MYL9: variants seen among roughly 807,000 people sequenced by gnomAD.
The protein encoded by MYL9 is myosin light chain 9.
Under a neutral mutation model 12.8 loss-of-function variants are expected in MYL9, and 7 were observed. That is an observed-to-expected ratio of 0.55 (90% confidence interval 0.31 to 1.03). MYL9 has a LOEUF of 1.03. MYL9 is among the 50% of genes least tolerant of loss of function. The pLI is 0.05. For synonymous variants in MYL9, 81 were observed against 87.8 expected (o/e 0.92, Z 0.43); for missense variants, 190 against 242.7 (o/e 0.78, Z 1.44).
Position 36,549,316 on chromosome 20 carries a change from C to A in MYL9, c.*67C>A, listed in dbSNP as rs1446495235. On this transcript the variant is annotated 3_prime_UTR_variant, in exon 4 of 4. Coordinates refer to ENST00000279022, the MANE Select transcript of MYL9 (RefSeq NM_006097.5). Reference sequence around the variant, plus strand: ...CCTCCCCGCACACACCCGTCCATACCAGCTCCCTGCCCATGACCCTCGCTC... The same window carrying A: ...CCTCCCCGCACACACCCGTCCATACAAGCTCCCTGCCCATGACCCTCGCTC... The A allele has an allele frequency of 1.5e-6, 2 of 1,346,180 alleles. No individual in the cohort carries two copies. Among genetic ancestry groups the A allele is most frequent in the Non-Finnish European group, 2.0e-6 (2 of 980,030 alleles). 83.4% of individuals were successfully genotyped at this position (1,346,180 alleles called of 1,614,324 possible). A position where few individuals can be genotyped will look rare whatever the true frequency, so the allele number is the denominator to read the frequency against.
rs1180332017 is a variant in MYL9, at chr20:36,551,393, T to C, written c.*2144T>C. 6.6e-6 allele frequency: 1 copy of C among 152,210 alleles called. No individual in the cohort carries two copies. The highest frequency in any genetic ancestry group is 1.9e-4 in the East Asian group (1 of 5,198). 9.4% of individuals were successfully genotyped at this position (152,210 alleles called of 1,614,324 possible). A position where few individuals can be genotyped will look rare whatever the true frequency, so the allele number is the denominator to read the frequency against. On this transcript the variant is annotated 3_prime_UTR_variant, in exon 4 of 4. Transcript: ENST00000279022. ...ATGCATGAAGTCAACATTCTTTTTG[T>C]AGAGCTAAAGAAACCATAAGCAAAA...
intron 2 of MYL9, among the ~76,000 whole-genome samples, chr20:36,546,604 A>G (rs1253952420): frequency 2.0e-5 from 3 of 151,826 alleles, no homozygotes; most frequent in African/African-American, 7.3e-5. Flanking sequence ...GGCAGGAAGT[A>G]AACTCCAGGG....
At chr20:36,542,962 G>C (rs1023445393) in intron 1 of MYL9, among the ~76,000 whole-genome samples, 12 of 152,234 alleles carry the variant, frequency 7.9e-5, no homozygotes, top group African/African-American at 2.9e-4. Flanking sequence ...GAGCTTCATA[G>C]AGTGTGGTGG....
At chr20:36,547,545 C>A (rs2147898123) in intron 2 of MYL9, among the ~76,000 whole-genome samples, 1 of 152,330 alleles carries the variant, frequency 6.6e-6, no homozygotes, top group East Asian at 1.9e-4. Flanking sequence ...GCCTGTCTGA[C>A]AGCAAAGCAC....
chr20:36,547,326 C>T (rs1382297239), intron 2 of MYL9, among the ~76,000 whole-genome samples: 1 of 152,212 alleles, frequency 6.6e-6, no homozygotes, highest in African/African-American at 2.4e-5. Context: ...TCCCACTTTA[C>T]AAACAAGGAA....
chr20:36,544,801 C>A, intron 1 of MYL9, 58 bp from the exon 2 acceptor site: 1 of 1,447,068 alleles, frequency 6.9e-7, no homozygotes, highest in Non-Finnish European at 9.4e-7. Flanking sequence ...CTGGGGGAGG[C>A]AGGAAGATTC....
chr20:36,547,944 G>A (rs6100404), intron 2 of MYL9, 88 bp from the exon 3 acceptor site: 7 of 1,432,602 alleles, frequency 4.9e-6, no homozygotes, highest in Non-Finnish European at 6.5e-6. Context: ...GAGCGGTGAA[G>A]GGCAGGGGTG....
chr20:36,546,993 G>A (rs544183208), intron 2 of MYL9, among the ~76,000 whole-genome samples: 15 of 152,300 alleles, frequency 9.8e-5, no homozygotes, highest in African/African-American at 3.1e-4. Context: ...GTGTCCTGGC[G>A]TCACAGCTCC....
At position 36,549,628 on chromosome 20, in the gene MYL9, C is replaced by A. The variant is rs1422228730; in HGVS notation, c.*379C>A. The A allele has an allele frequency of 5.0e-6, 1 of 201,248 alleles. No individual in the cohort carries two copies. Among genetic ancestry groups the A allele is most frequent in the Non-Finnish European group, 1.0e-5 (1 of 97,352 alleles). 12.5% of individuals were successfully genotyped at this position (201,248 alleles called of 1,614,324 possible). A position where few individuals can be genotyped will look rare whatever the true frequency, so the allele number is the denominator to read the frequency against. ...GCCCTGAGTCCTGGGATCAGACACC[C>A]CTTCACGTGTATCCCCACACAAATG... On this transcript the variant is annotated 3_prime_UTR_variant, in exon 4 of 4. Transcript: ENST00000279022.
At position 36,549,607 on chromosome 20, in the gene MYL9, T is replaced by A. The variant is rs550456698; in HGVS notation, c.*358T>A. 236 of 207,866 alleles carry A rather than the reference T, an allele frequency of 1.1e-3. 1 individual carries two copies. The highest frequency in any genetic ancestry group is 5.2e-3 in the African/African-American group (226 of 43,666). 12.9% of individuals were successfully genotyped at this position (207,866 alleles called of 1,614,324 possible). A position where few individuals can be genotyped will look rare whatever the true frequency, so the allele number is the denominator to read the frequency against. ...TGTGCCCCCCAGGAGGAAGAGGCCC[T>A]GAGTCCTGGGATCAGACACCCCTTC... On this transcript the variant is annotated 3_prime_UTR_variant, in exon 4 of 4. Transcript: ENST00000279022.
At chr20:36,545,308 T>G (rs373633277) in intron 2 of MYL9, among the ~76,000 whole-genome samples, 9 of 151,630 alleles carry the variant, frequency 5.9e-5, no homozygotes, top group Admixed American at 5.9e-4. Context: ...CCATCCTGGC[T>G]AACACGGTGA....
At chr20:36,548,762 G>A (rs1167996393) in intron 3 of MYL9, among the ~76,000 whole-genome samples, 1 of 152,172 alleles carries the variant, frequency 6.6e-6, no homozygotes, top group African/African-American at 2.4e-5. Context: ...CAGAGCTCAC[G>A]CTTAAAACAG....
Position 36,547,745 on chromosome 20 carries a change from G to A in MYL9, c.185-287G>A, listed in dbSNP as rs374124466. 3.3e-5 allele frequency among the ~76,000 whole-genome samples: 5 copies of A among 152,280 alleles called. No individual in the cohort carries two copies. The East Asian group carries it at 5.8e-4, about 18-fold the overall frequency. On this transcript the variant is annotated intron_variant, in intron 2 of 3. Coordinates refer to ENST00000279022, the MANE Select transcript of MYL9 (RefSeq NM_006097.5). ...GTTAAATGCAATAAGGCACGTGGTCGACCAGCCACAGCGAGCAGTCTGCAG... is the reference window on the plus strand; with the variant it reads ...GTTAAATGCAATAAGGCACGTGGTCAACCAGCCACAGCGAGCAGTCTGCAG...
At chr20:36,544,534 CA>C (rs1394545304) in intron 1 of MYL9, among the ~76,000 whole-genome samples, 1 of 152,152 alleles carries the variant, frequency 6.6e-6, no homozygotes, top group African/African-American at 2.4e-5. Context: ...GTGTTTTACC[CA>C]AACAGTCACA....
chr20:36,545,798 G>A (rs944876678), intron 2 of MYL9, among the ~76,000 whole-genome samples: 10 of 151,514 alleles, frequency 6.6e-5, no homozygotes, highest in Non-Finnish European at 8.8e-5. Flanking sequence ...GCGTGGTGGC[G>A]GGCGCCAGCT....
At position 36,549,559 on chromosome 20, in the gene MYL9, G is replaced by C; in HGVS notation, c.*310G>C. 3.7e-6 allele frequency: 1 copy of C among 273,898 alleles called. No homozygotes were observed. Among genetic ancestry groups the C allele is most frequent in the Non-Finnish European group, 7.0e-6 (1 of 142,668 alleles). The allele number at this position is 273,898 out of a possible 1,614,324, so 17.0% of individuals were successfully genotyped here. On this transcript the variant is annotated 3_prime_UTR_variant, in exon 4 of 4. Transcript: ENST00000279022. ...AGGCCCCATTCCGGGGCTGTTCCCC[G>C]AGGAGGAAGGGAAGGGGCTCTGTGT...
chr20:36,546,888 C>T (rs1216657842), intron 2 of MYL9, among the ~76,000 whole-genome samples: 6 of 152,194 alleles, frequency 3.9e-5, no homozygotes, highest in Non-Finnish European at 5.9e-5. Context: ...TGAGCTACCA[C>T]GCCTGGCCAA....
In MYL9 at chr20:36,549,237, T is replaced by C. The variant is rs2038141202; in HGVS notation, c.507T>C (p.Asp169=). The C allele has an allele frequency of 6.2e-7, 1 of 1,612,176 alleles. No homozygotes were observed. Among genetic ancestry groups the C allele is most frequent in the Non-Finnish European group, 8.5e-7 (1 of 1,179,126 alleles). Residue 169 remains aspartate (D), a synonymous_variant, in exon 4 of 4, where the codon GAT becomes GAC. Transcript: ENST00000279022. ...GCATCCTCAAACATGGCGCCAAGGA[T>C]AAAGACGACTAGGCCACCCCAGCCC... is the stretch of plus-strand genomic sequence containing the variant. The part of the protein sequence containing the change: ...FTRILKHGAK[D]KDD
intron 3 of MYL9, among the ~76,000 whole-genome samples, chr20:36,548,426 A>C (rs1259585652): frequency 6.6e-6 from 1 of 152,152 alleles, no homozygotes; most frequent in Non-Finnish European, 1.5e-5. Flanking sequence ...CACATTCTCC[A>C]TCTGTTTTAG....
Sources: gnomAD v4.1 joint callset for allele counts (sites outside exome capture counted in the v4.1 genomes callset) on GRCh38, gnomAD v4.1.1 for gene constraint, MANE v1.5 for transcripts, NCBI Gene and HGNC (gene_info 2026-07-23, HGNC 2026-07-21) for gene names.